FAAP100: variants seen among roughly 807,000 people sequenced by gnomAD.
The protein encoded by FAAP100 is FA core complex associated protein 100.
FAAP100 carries 46 observed loss-of-function variants against 65.8 expected under a neutral mutation model. That is an observed-to-expected ratio of 0.70 (90% CI 0.55 to 0.89). The LOEUF (loss-of-function observed/expected upper bound fraction) is 0.89. Among genes scored for constraint, FAAP100 ranks in the 40% least tolerant of loss-of-function variants. The pLI is 0.00. For missense variants in FAAP100, 1,165 were observed against 1,196.7 expected (o/e 0.97, Z 0.39); for synonymous variants, 663 against 555.1 (o/e 1.19, Z -2.73).
Position 81,552,197 on chromosome 17 carries a change from T to C in FAAP100, c.134A>G (p.Tyr45Cys), listed in dbSNP as rs1423703376. 12 of 1,498,938 alleles carry C rather than the reference T, an allele frequency of 8.0e-6. No individual in the cohort carries two copies. Among genetic ancestry groups the C allele is most frequent in the Non-Finnish European group, 9.7e-6 (11 of 1,130,880 alleles). The allele number at this position is 1,498,938 out of a possible 1,614,324, so 92.9% of individuals were successfully genotyped here. Residue 45 changes from tyrosine to cysteine, a missense_variant, in exon 1 of 9, where the codon TAC (tyrosine) becomes TGC (cysteine). Coordinates refer to ENST00000327787, the MANE Select transcript of FAAP100 (RefSeq NM_025161.6). ...VFLSTGSELV[Y>C]VYDQEGGLLT... The stretch of plus-strand genomic sequence containing the variant: ...CAGCCCGCCCTCCTGGTCGTACACG[T>C]AGACGAGCTCGCTCCCGGTGGACAG...
In FAAP100 at chr17:81,547,005, G is replaced by A; in HGVS notation, c.2077C>T (p.Pro693Ser). The A allele has an allele frequency of 2.6e-6, 4 of 1,532,760 alleles. No homozygotes were observed. The highest frequency in any genetic ancestry group is 1.2e-5 in the South Asian group (1 of 81,154). The allele number at this position is 1,532,760 out of a possible 1,614,324, so 94.9% of individuals were successfully genotyped here. A position where few individuals can be genotyped will look rare whatever the true frequency, so the allele number is the denominator to read the frequency against. ...AGGTACTCGGCCCGCAGGGAGGCGG[G>A]TCCTGCTGGCTGGCTGCCAGGCTCC... is the stretch of plus-strand genomic sequence containing the variant. The part of the protein sequence containing the change: ...CREPGSQPAG[P>S]ASLRAEYLPP... The change falls in exon 5 of 9, where the codon CCC (proline) becomes TCC (serine). Residue 693 changes from proline to serine, a missense_variant. Coordinates refer to ENST00000327787, the MANE Select transcript of FAAP100 (RefSeq NM_025161.6).
chr17:81,545,163 T>C (rs2033254333), intron 6 of FAAP100, among the ~76,000 whole-genome samples: 1 of 152,118 alleles, frequency 6.6e-6, no homozygotes, highest in Non-Finnish European at 1.5e-5. Flanking sequence ...AGCGAGACCT[T>C]GTCTCAAAGA....
intron 7 of FAAP100, 100 bp from the exon 8 acceptor site, chr17:81,541,495 G>T: frequency 1.9e-6 from 2 of 1,039,918 alleles, no homozygotes; most frequent in Non-Finnish European, 2.9e-6. Context: ...GCCTGGTGCT[G>T]CCTCCCTGCC....
In FAAP100 at chr17:81,552,003, G is replaced by A. The variant is rs1312530843; in HGVS notation, c.215C>T (p.Pro72Leu). Residue 72 changes from proline to leucine, a missense_variant, in exon 2 of 9, where the codon CCG becomes CTG. Pro to Leu is a moderately conservative substitution (Grantham distance 98, BLOSUM62 -3). Coordinates refer to ENST00000327787, the MANE Select transcript of FAAP100 (RefSeq NM_025161.6). ...GCACAGCGCGTACAGCAACCTGCGC[G>A]GCGCCAGCAGCTCCAGGTGCCACAC... Reference protein sequence around the residue: ...DQVWHLELLAPRRLLYALCAR... With the variant: ...DQVWHLELLALRRLLYALCAR... 5 of 1,564,646 alleles carry A rather than the reference G, an allele frequency of 3.2e-6. No individual in the cohort carries two copies. The African/African-American group carries it at 4.2e-5, about 13-fold the overall frequency.
chr17:81,548,142 G>C (rs944629344), intron 4 of FAAP100: 1 of 599,558 alleles, frequency 1.7e-6, no homozygotes, highest in African/African-American at 1.9e-5. Flanking sequence ...CTAAACCACA[G>C]GGACCCGGAG....
At chr17:81,549,065 AAAAAAAAAG>A in intron 4 of FAAP100, 132 bp downstream of exon 4, 12 of 430,356 alleles carry the variant, frequency 2.8e-5, no homozygotes, top group South Asian at 1.2e-4. Flanking sequence ...AAAAAAAAAA[AAAAAAAAAG>A]AGGCCAAGTA....
At chr17:81,552,489 G>A, upstream of FAAP100, 2 of 616,762 alleles carry the variant, frequency 3.2e-6, no homozygotes, top group Non-Finnish European at 4.7e-6. Flanking sequence ...GGGACTCCGG[G>A]AGCTGGGGCG....
At chr17:81,549,640 T>C (rs2033423422) in intron 3 of FAAP100, among the ~76,000 whole-genome samples, 1 of 152,236 alleles carries the variant, frequency 6.6e-6, no homozygotes. Flanking sequence ...CTGCTGTGTA[T>C]GTATTTTCTG....
intron 5 of FAAP100, 90 bp from the exon 6 acceptor site, chr17:81,545,972 C>T (rs1441262352): frequency 1.2e-5 from 17 of 1,457,726 alleles, no homozygotes; most frequent in Admixed American, 4.3e-5. Flanking sequence ...ATACCTGCCC[C>T]AAAGTGCCCT....
rs1259932099 is a variant in FAAP100, at chr17:81,547,658, G to A, written c.1424C>T (p.Ala475Val). The change falls in exon 5 of 9, where the codon GCG becomes GTG. Residue 475 changes from alanine to valine, a missense_variant. Coordinates refer to ENST00000327787, the MANE Select transcript of FAAP100 (RefSeq NM_025161.6). ...ISERVSFLKK[A>V]VDQRNKALTS... ...CAGTGCCTTGTTCCGCTGGTCAACC[G>A]CCTTCTTTAGAAAAGACACTCTGCG... The A allele has an allele frequency of 5.6e-6, 9 of 1,610,332 alleles. No homozygotes were observed. The highest frequency in any genetic ancestry group is 1.3e-5 in the African/African-American group (1 of 74,890).
intron 7 of FAAP100, among the ~76,000 whole-genome samples, chr17:81,543,764 AG>A (rs1203436441): frequency 1.3e-5 from 2 of 152,174 alleles, no homozygotes; most frequent in African/African-American, 4.8e-5. Context: ...ACAGGTGCCC[AG>A]GGGGTGACGG....
At chr17:81,542,075 G>A (rs1373796283) in intron 7 of FAAP100, among the ~76,000 whole-genome samples, 3 of 146,808 alleles carry the variant, frequency 2.0e-5, no homozygotes, top group African/African-American at 5.0e-5. Flanking sequence ...GCTGAGGCAG[G>A]AGAATGGCGT....
Position 81,540,261 on chromosome 17 carries a change from C to T in FAAP100, c.*558G>A. 2.5e-6 allele frequency: 1 copy of T among 399,124 alleles called. No individual in the cohort carries two copies. Among genetic ancestry groups the T allele is most frequent in the Non-Finnish European group, 4.4e-6 (1 of 226,278 alleles). The allele number at this position is 399,124 out of a possible 1,614,324, so 24.7% of individuals were successfully genotyped here. A position where few individuals can be genotyped will look rare whatever the true frequency, so the allele number is the denominator to read the frequency against. ...CCTGCATGCTGTTTTGTGCTTTGGT[C>T]TCAGGGAGCACCCTCCTACCTCGGG... On this transcript the variant is annotated 3_prime_UTR_variant, in exon 9 of 9. Coordinates refer to ENST00000327787, the MANE Select transcript of FAAP100 (RefSeq NM_025161.6).
At chr17:81,549,133 G>T in intron 4 of FAAP100, 73 bp downstream of exon 4, 3 of 1,509,224 alleles carry the variant, frequency 2.0e-6, no homozygotes, top group Admixed American at 1.9e-5. Context: ...CACCCAGGAC[G>T]ACCCCACACA....
chr17:81,547,955 G>C (rs1404457993), intron 4 of FAAP100: 1 of 703,670 alleles, frequency 1.4e-6, no homozygotes, highest in East Asian at 2.7e-5. Context: ...GGTGCTCCGG[G>C]GACCTAGGCT....
intron 4 of FAAP100, chr17:81,548,197 A>T: frequency 1.7e-6 from 1 of 591,698 alleles, no homozygotes; most frequent in Non-Finnish European, 3.0e-6. Context: ...ATGTGAGGGG[A>T]GCAGGGGAGG....
rs949216664 is a variant in FAAP100, at chr17:81,540,547, C to T, written c.*272G>A. 1.1e-5 allele frequency: 5 copies of T among 435,274 alleles called. No individual in the cohort carries two copies. Among genetic ancestry groups the T allele is most frequent in the African/African-American group, 4.0e-5 (2 of 49,710 alleles). The allele number at this position is 435,274 out of a possible 1,614,324, so 27.0% of individuals were successfully genotyped here. A position where few individuals can be genotyped will look rare whatever the true frequency, so the allele number is the denominator to read the frequency against. On this transcript the variant is annotated 3_prime_UTR_variant, in exon 9 of 9. Transcript: ENST00000327787. The stretch of plus-strand genomic sequence containing the variant: ...GTGAGGAAGGCGAGTGCAGGGGCTG[C>T]GGCCGCGGTCAGAGAAGGAGAGACA...
In FAAP100 at chr17:81,543,644, C is replaced by T. The variant is rs576654651; in HGVS notation, c.2427+360G>A. On this transcript the variant is annotated intron_variant, in intron 7 of 8. Transcript: ENST00000327787. ...TCTAGGATCCACGCCCAGGCCACGG[C>T]CTCTCCAGGCAGCCTCTGCCCAGCC... 1.2e-3 allele frequency among the ~76,000 whole-genome samples: 182 copies of T among 152,286 alleles called. 3 individuals carry two copies. The South Asian group carries it at 0.037, about 31-fold the overall frequency.
chr17:81,544,091 C>A lies in FAAP100; in HGVS notation c.2340G>T (p.Gly780=). The change falls in exon 7 of 9, where the codon GGG becomes GGT. Residue 780 remains glycine (G), a synonymous_variant. Coordinates refer to ENST00000327787, the MANE Select transcript of FAAP100 (RefSeq NM_025161.6). The stretch of plus-strand genomic sequence containing the variant: ...CTTGAATCTCCACGGCCTGGATGGG[C>A]CCTGCTGGGCACAGGTCAGTCATGG... ...EVAMTDLCPA[G]PIQAVEIQVE... The A allele has an allele frequency of 6.2e-7, 1 of 1,612,580 alleles. No homozygotes were observed.
Sources: gnomAD v4.1 joint callset for allele counts (sites outside exome capture counted in the v4.1 genomes callset) on GRCh38, gnomAD v4.1.1 for gene constraint, MANE v1.5 for transcripts, NCBI Gene and HGNC (gene_info 2026-07-23, HGNC 2026-07-21) for gene names.